Variants in ASB1 observed in about 807,000 individuals in gnomAD.
The protein encoded by ASB1 is ankyrin repeat and SOCS box containing 1, also known as ankyrin repeat and SOCS box protein 1.
ASB1 carries 18 observed loss-of-function variants against 27.7 expected under a neutral mutation model. The observed-to-expected ratio is 0.65, with a 90% CI of 0.45 to 0.96. The LOEUF (loss-of-function observed/expected upper bound fraction) is 0.96. Among genes scored for constraint, ASB1 ranks in the 50% least tolerant of loss-of-function variants. ASB1 has a pLI of 0.00. For synonymous variants in ASB1, 189 were observed against 187.6 expected, an observed-to-expected ratio of 1.01 and a Z score of -0.06; for missense variants, 397 against 451.7, an observed-to-expected ratio of 0.88 and a Z score of 1.10.
rs1702136974 is a variant in ASB1, at chr2:238,444,411, C to T, written c.564C>T (p.Leu188=). The T allele has an allele frequency of 6.2e-7, 1 of 1,613,672 alleles. No individual in the cohort carries two copies. The highest frequency in any genetic ancestry group is 8.5e-7 in the Non-Finnish European group (1 of 1,179,652). Residue 188 remains leucine, a synonymous_variant, in exon 4 of 5, where the codon CTC becomes CTT. Transcript: ENST00000264607. ...PDVQPRFSRR[L]TSLVVCPLYI... Reference sequence around the variant, plus strand: ...TCCAGCCTCGATTCTCCCGGCGGCTCACCTCCTTGGTGGTCTGCCCCTTGT... The same window carrying T: ...TCCAGCCTCGATTCTCCCGGCGGCTTACCTCCTTGGTGGTCTGCCCCTTGT...
Position 238,447,992 on chromosome 2 carries a change from A to C in ASB1, c.*1481A>C, listed in dbSNP as rs1328590211. On this transcript the variant is annotated 3_prime_UTR_variant, in exon 5 of 5. Transcript: ENST00000264607. ...CAGATGCAGTTCCGAAGGGAAGAAC[A>C]GTCCTCGGGTGATTCAGAGGGGAAA... 1.3e-5 allele frequency: 2 copies of C among 152,304 alleles called. No homozygotes were observed. The highest frequency in any genetic ancestry group is 2.9e-5 in the Non-Finnish European group (2 of 68,078). 9.4% of individuals were successfully genotyped at this position (152,304 alleles called of 1,614,324 possible).
In ASB1 at chr2:238,451,565, A is replaced by T. The variant is rs1702285838; in HGVS notation, c.*5054A>T. 3 of 152,628 alleles carry T rather than the reference A, an allele frequency of 2.0e-5. No homozygotes were observed. The highest frequency in any genetic ancestry group is 7.2e-5 in the African/African-American group (3 of 41,388). 9.5% of individuals were successfully genotyped at this position (152,628 alleles called of 1,614,324 possible). On this transcript the variant is annotated 3_prime_UTR_variant, in exon 5 of 5. Coordinates refer to ENST00000264607, the MANE Select transcript of ASB1 (RefSeq NM_001040445.3). ...GGTGCCTGGGGACCTGCTGAAGAGA[A>T]TGCTCACCACCAGCTCTCTGTTTCC...
Position 238,450,819 on chromosome 2 carries a change from G to C in ASB1, c.*4308G>C, listed in dbSNP as rs1702268200. 1 of 152,384 alleles carries C rather than the reference G, an allele frequency of 6.6e-6. No homozygotes were observed. The highest frequency in any genetic ancestry group is 6.5e-5 in the Admixed American group (1 of 15,280). The allele number at this position is 152,384 out of a possible 1,614,324, so 9.4% of individuals were successfully genotyped here. A position where few individuals can be genotyped will look rare whatever the true frequency, so the allele number is the denominator to read the frequency against. On this transcript the variant is annotated 3_prime_UTR_variant, in exon 5 of 5. Transcript: ENST00000264607. ...CCCCTGTATGTTGGTGATGACACTA[G>C]TGTGGGTCTTCTGGCTCTGGGGCTA...
At chr2:238,440,682 A>G (rs1702062444) in intron 3 of ASB1, among the ~76,000 whole-genome samples, 1 of 151,728 alleles carries the variant, frequency 6.6e-6, no homozygotes. Flanking sequence ...GGTAGTTTGC[A>G]CTTGCCCTGG....
At position 238,451,772 on chromosome 2, in the gene ASB1, T is replaced by C. The variant is rs1472496982; in HGVS notation, c.*5261T>C. The C allele has an allele frequency of 6.6e-6, 1 of 152,654 alleles. No individual in the cohort carries two copies. Among genetic ancestry groups the C allele is most frequent in the Non-Finnish European group, 1.5e-5 (1 of 68,038 alleles). The allele number at this position is 152,654 out of a possible 1,614,324, so 9.5% of individuals were successfully genotyped here. A position where few individuals can be genotyped will look rare whatever the true frequency, so the allele number is the denominator to read the frequency against. ...CCAAATGCCTTAATTTTGTGGACTGTTTATTTCAACAGGTGGAAGTGTTGG... is the reference window on the plus strand; with the variant it reads ...CCAAATGCCTTAATTTTGTGGACTGCTTATTTCAACAGGTGGAAGTGTTGG... On this transcript the variant is annotated 3_prime_UTR_variant, in exon 5 of 5. Coordinates refer to ENST00000264607, the MANE Select transcript of ASB1 (RefSeq NM_001040445.3).
At chr2:238,428,052 G>C (rs1701796058) in intron 1 of ASB1, among the ~76,000 whole-genome samples, 1 of 152,162 alleles carries the variant, frequency 6.6e-6, no homozygotes, top group Non-Finnish European at 1.5e-5. Flanking sequence ...CTGTTGGCTA[G>C]ACCCAGCAGA....
chr2:238,452,210 A>G lies in ASB1; in HGVS notation c.*5699A>G, dbSNP rs1341299776. On this transcript the variant is annotated 3_prime_UTR_variant, in exon 5 of 5. Coordinates refer to ENST00000264607, the MANE Select transcript of ASB1 (RefSeq NM_001040445.3). ...TGTGAAGATGTGGGATGAACCTGGA[A>G]TGAACGAATTAAATAAAGACATGCA... The G allele has an allele frequency of 6.6e-6, 1 of 152,204 alleles. No individual in the cohort carries two copies. The highest frequency in any genetic ancestry group is 1.5e-5 in the Non-Finnish European group (1 of 68,052). 9.4% of individuals were successfully genotyped at this position (152,204 alleles called of 1,614,324 possible). A position where few individuals can be genotyped will look rare whatever the true frequency, so the allele number is the denominator to read the frequency against.
chr2:238,450,507 CAA>C lies in ASB1; in HGVS notation c.*3998_*3999del, dbSNP rs1176651517. 2 of 152,250 alleles carry C rather than the reference CAA, an allele frequency of 1.3e-5. No homozygotes were observed. The highest frequency in any genetic ancestry group is 2.4e-5 in the African/African-American group (1 of 41,458). 9.4% of individuals were successfully genotyped at this position (152,250 alleles called of 1,614,324 possible). The stretch of plus-strand genomic sequence containing the variant: ...TTAAGTTCGCCTGTCTCTGAAATCC[CAA>C]AGTCACGGAACCGCAGTCTAGCTGT... On this transcript the variant is annotated 3_prime_UTR_variant, in exon 5 of 5. Transcript: ENST00000264607.
At chr2:238,430,902 C>T (rs183674316) in intron 1 of ASB1, among the ~76,000 whole-genome samples, 1 of 152,346 alleles carries the variant, frequency 6.6e-6, no homozygotes, top group East Asian at 1.9e-4. Flanking sequence ...TATTCACTAA[C>T]CATGCTGTGA....
At chr2:238,427,798 T>C (rs1701789268) in intron 1 of ASB1, 1 of 152,458 alleles carries the variant, frequency 6.6e-6, no homozygotes, top group Non-Finnish European at 1.5e-5. Flanking sequence ...GGTGGTGTGG[T>C]GGGAGTTCCT....
At position 238,436,727 on chromosome 2, in the gene ASB1, G is replaced by A. The variant is rs559066939; in HGVS notation, c.494+714G>A. On this transcript the variant is annotated intron_variant, in intron 3 of 4. Coordinates refer to ENST00000264607, the MANE Select transcript of ASB1 (RefSeq NM_001040445.3). ...GCTTGAAACAAGTACATGACCATGG[G>A]TGTTTTGTTTACATATTATACTTTG... Among the ~76,000 whole-genome samples, 3 of 149,800 alleles carry A rather than the reference G, an allele frequency of 2.0e-5. No homozygotes were observed. In the South Asian group the frequency reaches 6.3e-4, roughly 31 times the overall value.
chr2:238,436,529 T>TA (rs1299788880), intron 3 of ASB1, among the ~76,000 whole-genome samples: 4 of 152,158 alleles, frequency 2.6e-5, no homozygotes, highest in African/African-American at 9.7e-5. Context: ...GGTGGGGTCT[T>TA]ACTTTGTTGC....
intron 3 of ASB1, among the ~76,000 whole-genome samples, chr2:238,443,035 A>G (rs1702108857): frequency 6.6e-6 from 1 of 152,106 alleles, no homozygotes; most frequent in South Asian, 2.1e-4. Context: ...GATGAACTTT[A>G]TATATCAACT....
rs954713784 is a variant in ASB1, at chr2:238,428,439, G to C, written c.49+1320G>C. 5.3e-5 allele frequency among the ~76,000 whole-genome samples: 8 copies of C among 152,244 alleles called. No individual in the cohort carries two copies. In the East Asian group the frequency reaches 1.4e-3, roughly 26 times the overall value. ...CCTAGTAGCTGGGATTACAGGTGCT[G>C]GCATCATGCCCGGCTAATTTTTGTA... On this transcript the variant is annotated intron_variant, in intron 1 of 4. Coordinates refer to ENST00000264607, the MANE Select transcript of ASB1 (RefSeq NM_001040445.3).
In ASB1 at chr2:238,449,438, T is replaced by C. The variant is rs947837369; in HGVS notation, c.*2927T>C. The C allele has an allele frequency of 6.6e-6, 1 of 152,546 alleles. No homozygotes were observed. Among genetic ancestry groups the C allele is most frequent in the Non-Finnish European group, 1.5e-5 (1 of 68,344 alleles). 9.4% of individuals were successfully genotyped at this position (152,546 alleles called of 1,614,324 possible). A position where few individuals can be genotyped will look rare whatever the true frequency, so the allele number is the denominator to read the frequency against. ...TGCCCCTGGTTGCATCCCAGAAGCA[T>C]CTGACTGTCACCACTGCCAGTGGCT... On this transcript the variant is annotated 3_prime_UTR_variant, in exon 5 of 5. Transcript: ENST00000264607.
chr2:238,444,266 G>T, intron 3 of ASB1, 76 bp from the exon 4 acceptor site: 2 of 1,510,732 alleles, frequency 1.3e-6, no homozygotes, highest in Non-Finnish European at 1.8e-6. Flanking sequence ...GTGGCTGTGG[G>T]ATTTGTTGGA....
chr2:238,437,444 A>G (rs1345199528), intron 3 of ASB1, among the ~76,000 whole-genome samples: 3 of 151,886 alleles, frequency 2.0e-5, no homozygotes, highest in African/African-American at 4.8e-5. Flanking sequence ...GTCAGCCAGG[A>G]TGGTCTCGAT....
At chr2:238,433,786 C>T in intron 2 of ASB1, 91 bp downstream of exon 2, 5 of 1,446,696 alleles carry the variant, frequency 3.5e-6, no homozygotes, top group Non-Finnish European at 3.8e-6. Flanking sequence ...AGATGAAGAC[C>T]TTGATGTTGG....
intron 2 of ASB1, among the ~76,000 whole-genome samples, chr2:238,434,867 T>A (rs1701936704): frequency 6.6e-6 from 1 of 152,236 alleles, no homozygotes; most frequent in African/African-American, 2.4e-5. Context: ...TTCCCATTGC[T>A]ATTTGCTTCT....
Sources: allele counts gnomAD v4.1 joint callset (sites outside exome capture counted in the v4.1 genomes callset), GRCh38; gene constraint gnomAD v4.1.1; transcripts MANE v1.5; gene names NCBI Gene and HGNC (gene_info 2026-07-23, HGNC 2026-07-21).